Variants in MAD1L1 observed in about 807,000 individuals in gnomAD.
The protein encoded by MAD1L1 is mitotic arrest deficient 1 like 1.
A neutral mutation model predicts 96.9 loss-of-function variants in MAD1L1; 95 were observed. That is an observed-to-expected ratio of 0.98 (90% CI 0.83 to 1.16). The LOEUF is 1.16. Ranked by LOEUF, MAD1L1 falls within the 50% of genes most tolerant of loss-of-function variation. The probability of loss-of-function intolerance (pLI) is 0.00; values close to 1 mark genes in which losing one functional copy is unlikely to be tolerated. For synonymous variants in MAD1L1, 473 were observed against 396.6 expected (o/e 1.19, Z -2.29); for missense variants, 1,007 against 954.4 (o/e 1.06, Z -0.73).
At chr7:1,854,374 C>A (rs763474948) in intron 18 of MAD1L1, 1 of 473,264 alleles carries the variant, frequency 2.1e-6, no homozygotes, top group East Asian at 6.5e-5. Flanking sequence ...CTGTGGAAGC[C>A]TGTATTGGTC....
chr7:1,820,048 G>C (rs1782043996), intron 18 of MAD1L1, among the ~76,000 whole-genome samples: 1 of 152,148 alleles, frequency 6.6e-6, no homozygotes, highest in African/African-American at 2.4e-5. Context: ...GGGAAGTTAT[G>C]TGAATGCTGT....
intron 12 of MAD1L1, among the ~76,000 whole-genome samples, chr7:2,038,498 C>CTTTTTTTTTTTTTTTTTTT (rs60466584): frequency 1.1e-5 from 1 of 92,826 alleles, no homozygotes; most frequent in Non-Finnish European, 2.2e-5. Context: ...AAGCTGATGA[C>CTTTTTTTTTTTTTTTTTTT]TTTTTTTTTT....
At chr7:1,932,672 C>T (rs1789548833) in intron 17 of MAD1L1, among the ~76,000 whole-genome samples, 2 of 152,260 alleles carry the variant, frequency 1.3e-5, no homozygotes, top group East Asian at 3.8e-4. Flanking sequence ...TTCATGCTGC[C>T]GCACACTGTG....
rs1253768139 is a variant in MAD1L1, at chr7:2,002,313, G to GTGATGGAGACAAC, written c.1360-205_1360-193dup. ...GCTGCCCCGCGAGGCCGAGAGCCCA[G>GTGATGGAGACAAC]TGATGGAGACAACTGATGGAGACGA... On this transcript the variant is annotated intron_variant, in intron 13 of 18. Coordinates refer to ENST00000265854, the MANE Select transcript of MAD1L1 (RefSeq NM_001013836.2). Among the ~76,000 whole-genome samples, 4 of 152,216 alleles carry GTGATGGAGACAAC rather than the reference G, an allele frequency of 2.6e-5. No homozygotes were observed. The East Asian group carries it at 7.7e-4, about 29-fold the overall frequency.
At chr7:1,950,637 C>A (rs747187010) in intron 16 of MAD1L1, among the ~76,000 whole-genome samples, 30 of 152,236 alleles carry the variant, frequency 2.0e-4, no homozygotes, top group Non-Finnish European at 3.4e-4. Context: ...TCAATGTCTG[C>A]CCCCAGCTGC....
chr7:1,918,129 T>C (rs371219684), intron 17 of MAD1L1, among the ~76,000 whole-genome samples: 14 of 152,124 alleles, frequency 9.2e-5, no homozygotes, highest in African/African-American at 3.4e-4. Context: ...CGTGCTCCAC[T>C]CTGCAGCCAG....
chr7:2,007,506 A>ACCCGG (rs57193072), intron 13 of MAD1L1, among the ~76,000 whole-genome samples: 1 of 151,280 alleles, frequency 6.6e-6, no homozygotes, highest in Non-Finnish European at 1.5e-5. Context: ...ACATGGTGAA[A>ACCCGG]TTACTAAAAA....
intron 18 of MAD1L1, among the ~76,000 whole-genome samples, chr7:1,893,051 C>T (rs939952357): frequency 2.0e-5 from 3 of 152,200 alleles, no homozygotes; most frequent in South Asian, 2.1e-4. Flanking sequence ...TGAGCCTCCC[C>T]GCTCCAGGCC....
chr7:2,129,047 C>T (rs1788378670), intron 11 of MAD1L1, among the ~76,000 whole-genome samples: 1 of 152,208 alleles, frequency 6.6e-6, no homozygotes, highest in South Asian at 2.1e-4. Flanking sequence ...GGTGCACGAC[C>T]CCACCACGAG....
intron 11 of MAD1L1, chr7:2,107,309 G>A (rs2128554195): frequency 1.3e-5 from 2 of 152,488 alleles, no homozygotes; most frequent in Middle Eastern, 6.8e-3. Context: ...GCAGCCCTGG[G>A]GCAGAGGGGG....
intron 12 of MAD1L1, among the ~76,000 whole-genome samples, chr7:2,068,751 C>T (rs1243939584): frequency 6.6e-6 from 1 of 152,194 alleles, no homozygotes; most frequent in Non-Finnish European, 1.5e-5. Flanking sequence ...TAGAGTCGGG[C>T]CATGGAGCCA....
chr7:1,888,211 C>T (rs1297396419), intron 18 of MAD1L1, among the ~76,000 whole-genome samples: 1 of 149,202 alleles, frequency 6.7e-6, no homozygotes, highest in Non-Finnish European at 1.5e-5. Context: ...GCTGCCTGTG[C>T]ATGTGTGTGC....
intron 18 of MAD1L1, among the ~76,000 whole-genome samples, chr7:1,865,012 C>T (rs983835950): frequency 1.3e-5 from 2 of 152,206 alleles, no homozygotes; most frequent in Admixed American, 6.5e-5. Context: ...ACACCTACCA[C>T]GCCCGCAGCT....
chr7:1,873,108 G>GC (rs918432028), intron 18 of MAD1L1, among the ~76,000 whole-genome samples: 8 of 152,346 alleles, frequency 5.3e-5, no homozygotes, highest in East Asian at 1.9e-4. Context: ...GCGGGGAGGA[G>GC]CCCCCCGTGG....
In MAD1L1 at chr7:1,820,274, C is replaced by G. The variant is rs565106046; in HGVS notation, c.1999-4046G>C. Among the ~76,000 whole-genome samples the G allele has an allele frequency of 1.4e-3, 207 of 152,130 alleles. 1 individual carries two copies. Among genetic ancestry groups the G allele is most frequent in the African/African-American group, 4.3e-3 (177 of 41,530 alleles). On this transcript the variant is annotated intron_variant, in intron 18 of 18. Transcript: ENST00000265854. ...GCATAATGAAATTTGCCAGACGCAC[C>G]CAAGGCAGTGCTTAGAGGGAAACGG...
At chr7:2,047,259 T>C (rs374265827) in intron 12 of MAD1L1, among the ~76,000 whole-genome samples, 5 of 152,178 alleles carry the variant, frequency 3.3e-5, no homozygotes, top group African/African-American at 9.7e-5. Context: ...GAGCCGCAGC[T>C]GCGTAACAAG....
intron 10 of MAD1L1, 120 bp downstream of exon 10, chr7:2,213,092 C>T: frequency 9.7e-7 from 1 of 1,035,286 alleles, no homozygotes; most frequent in South Asian, 1.4e-5. Flanking sequence ...GACAAATGCC[C>T]CGCACCAGCC....
chr7:2,221,495 C>A (rs1436252453), intron 5 of MAD1L1, among the ~76,000 whole-genome samples: 21 of 151,138 alleles, frequency 1.4e-4, no homozygotes, highest in Admixed American at 1.4e-3. Context: ...TGCACGCCCA[C>A]CCCACCCCTA....
chr7:2,219,561 G>A (rs1793478836), intron 5 of MAD1L1, 105 bp from the exon 6 acceptor site: 4 of 1,265,194 alleles, frequency 3.2e-6, no homozygotes, highest in Non-Finnish European at 3.3e-6. Context: ...CCACCCACGT[G>A]CTATAATCAG....
Sources: allele counts gnomAD v4.1 joint callset (sites outside exome capture counted in the v4.1 genomes callset), GRCh38; gene constraint gnomAD v4.1.1; transcripts MANE v1.5; gene names NCBI Gene and HGNC (gene_info 2026-07-23, HGNC 2026-07-21).